Variants in RAD51B observed in about 807,000 individuals in gnomAD.
RAD51B encodes RAD51 paralog B.
Under a neutral mutation model 42.2 loss-of-function variants are expected in RAD51B, and 38 were observed. That is an observed-to-expected ratio of 0.90 (90% CI 0.70 to 1.18). RAD51B has a LOEUF of 1.18. Ranked by LOEUF, RAD51B falls within the 50% of genes most tolerant of loss-of-function variation. The pLI is 0.00. For synonymous variants in RAD51B, 154 were observed against 145.2 expected, an observed-to-expected ratio of 1.06 and a Z score of -0.43; for missense variants, 373 against 400.7, an observed-to-expected ratio of 0.93 and a Z score of 0.59.
At chr14:68,435,113 A>G (rs918585297) in intron 9 of RAD51B, among the ~76,000 whole-genome samples, 2 of 152,170 alleles carry the variant, frequency 1.3e-5, no homozygotes, top group African/African-American at 2.4e-5. Context: ...TGAGGTGCGA[A>G]TAATCCCATC....
intron 8 of RAD51B, chr14:68,306,569 A>G (rs565368890): frequency 2.2e-6 from 1 of 461,918 alleles, no homozygotes; most frequent in East Asian, 5.8e-5. Context: ...GTGACCCAGT[A>G]TATCTTTTGA....
At position 68,061,218 on chromosome 14, in the gene RAD51B, G is replaced by A. The variant is rs371197365; in HGVS notation, c.756+174014G>A. ...CCAGTAGCTGGGATTACAGGCATGCGCGCCACACCCAGCTAATTTTTTGTA... is the reference window on the plus strand; with the variant it reads ...CCAGTAGCTGGGATTACAGGCATGCACGCCACACCCAGCTAATTTTTTGTA... On this transcript the variant is annotated intron_variant, in intron 7 of 10. Coordinates refer to ENST00000471583, the MANE Select transcript of RAD51B (RefSeq NM_133510.4). 1.3e-4 allele frequency among the ~76,000 whole-genome samples: 19 copies of A among 151,738 alleles called. No homozygotes were observed. The East Asian group carries it at 1.6e-3, about 12-fold the overall frequency.
At chr14:68,657,548 C>T (rs985449768) in intron 11 of RAD51B, among the ~76,000 whole-genome samples, 2 of 152,118 alleles carry the variant, frequency 1.3e-5, no homozygotes, top group African/African-American at 2.4e-5. Context: ...GGCCCAGGGT[C>T]CAGCTCATAG....
chr14:68,140,444 A>G (rs1385798196), intron 7 of RAD51B, among the ~76,000 whole-genome samples: 2 of 152,220 alleles, frequency 1.3e-5, no homozygotes, highest in Admixed American at 6.5e-5. Flanking sequence ...GACCTTAGCA[A>G]TAACCCCTAA....
At chr14:67,921,826 T>C (rs1478732794) in intron 7 of RAD51B, among the ~76,000 whole-genome samples, 1 of 152,144 alleles carries the variant, frequency 6.6e-6, no homozygotes, top group East Asian at 1.9e-4. Context: ...TTCAGTTTCC[T>C]CCCCTGTCCC....
chr14:67,975,492 T>C (rs2074975743), intron 7 of RAD51B, among the ~76,000 whole-genome samples: 1 of 152,376 alleles, frequency 6.6e-6, no homozygotes, highest in African/African-American at 2.4e-5. Flanking sequence ...TGGTTGTTTA[T>C]ACTTTAGACC....
chr14:68,175,207 G>T (rs1461553890), intron 7 of RAD51B, among the ~76,000 whole-genome samples: 1 of 152,034 alleles, frequency 6.6e-6, no homozygotes, highest in Non-Finnish European at 1.5e-5. Context: ...CCATGCTTTT[G>T]CTGGCATGAA....
At chr14:68,087,841 ATAAT>A (rs1279128200) in intron 7 of RAD51B, among the ~76,000 whole-genome samples, 1 of 133,872 alleles carries the variant, frequency 7.5e-6, no homozygotes, top group Non-Finnish European at 1.5e-5. Context: ...ATTTAATTAT[ATAAT>A]TATTATATAT....
chr14:68,573,802 G>C (rs906575414), intron 10 of RAD51B, among the ~76,000 whole-genome samples: 2 of 152,184 alleles, frequency 1.3e-5, no homozygotes, highest in African/African-American at 4.8e-5. Flanking sequence ...GGCCACCAAG[G>C]GGGCAGGCCT....
intron 7 of RAD51B, among the ~76,000 whole-genome samples, chr14:68,047,985 C>G (rs752987087): frequency 2.6e-4 from 40 of 152,028 alleles, no homozygotes; most frequent in Non-Finnish European, 5.9e-4. Context: ...GTGGAAAAGT[C>G]TTATCAGAAG....
At chr14:68,190,148 G>A (rs2140903637) in intron 7 of RAD51B, among the ~76,000 whole-genome samples, 1 of 152,208 alleles carries the variant, frequency 6.6e-6, no homozygotes, top group African/African-American at 2.4e-5. Flanking sequence ...AAAGCTAGAT[G>A]TAGAAAACTT....
chr14:68,025,088 C>T (rs1247415094), intron 7 of RAD51B, among the ~76,000 whole-genome samples: 2 of 151,922 alleles, frequency 1.3e-5, no homozygotes, highest in East Asian at 3.9e-4. Context: ...AAAGCTTTTT[C>T]TGCATCTATT....
At chr14:68,114,764 T>C (rs2077512866) in intron 7 of RAD51B, among the ~76,000 whole-genome samples, 1 of 152,190 alleles carries the variant, frequency 6.6e-6, no homozygotes, top group East Asian at 1.9e-4. Context: ...TTTCATATTA[T>C]TTGTGTAAGT....
chr14:68,350,804 A>G (rs2139870446), intron 8 of RAD51B, among the ~76,000 whole-genome samples: 1 of 152,320 alleles, frequency 6.6e-6, no homozygotes, highest in Admixed American at 6.5e-5. Flanking sequence ...GCTTAATATC[A>G]TTCACCATTT....
intron 10 of RAD51B, among the ~76,000 whole-genome samples, chr14:68,649,242 G>A (rs920588643): frequency 6.6e-6 from 1 of 152,162 alleles, no homozygotes; most frequent in African/African-American, 2.4e-5. Flanking sequence ...CTTGGGCAAA[G>A]CTCTTTTTGT....
intron 7 of RAD51B, among the ~76,000 whole-genome samples, chr14:68,238,046 T>C (rs2080302372): frequency 6.6e-6 from 1 of 152,146 alleles, no homozygotes; most frequent in Non-Finnish European, 1.5e-5. Flanking sequence ...CCGAGTAGAA[T>C]TGCTGGGTTA....
At chr14:68,085,167 C>G (rs564926939) in intron 7 of RAD51B, among the ~76,000 whole-genome samples, 1 of 152,176 alleles carries the variant, frequency 6.6e-6, no homozygotes, top group Non-Finnish European at 1.5e-5. Flanking sequence ...GAGACATCCA[C>G]AAGGAAGAGT....
At chr14:68,355,204 T>C (rs1185929624) in intron 8 of RAD51B, among the ~76,000 whole-genome samples, 1 of 152,228 alleles carries the variant, frequency 6.6e-6, no homozygotes, top group Non-Finnish European at 1.5e-5. Context: ...TGCCTATTTT[T>C]TGGAGACATA....
At chr14:68,048,175 T>C (rs910185911) in intron 7 of RAD51B, among the ~76,000 whole-genome samples, 3 of 152,206 alleles carry the variant, frequency 2.0e-5, no homozygotes, top group African/African-American at 7.2e-5. Context: ...AAAGCTTATA[T>C]AATAGAACTG....
Sources: gnomAD v4.1 joint callset for allele counts (sites outside exome capture counted in the v4.1 genomes callset) on GRCh38, gnomAD v4.1.1 for gene constraint, MANE v1.5 for transcripts, NCBI Gene and HGNC (gene_info 2026-07-23, HGNC 2026-07-21) for gene names.